AUTS2: variants seen among roughly 807,000 people sequenced by gnomAD.
The protein encoded by AUTS2 is activator of transcription and developmental regulator AUTS2.
AUTS2 carries 17 observed loss-of-function variants against 112.4 expected under a neutral mutation model. The ratio of observed to expected loss-of-function variants is 0.15; its 90% CI spans 0.10 to 0.23. AUTS2 has a LOEUF of 0.23. Ranked by LOEUF, AUTS2 falls within the 10% of genes least tolerant of loss-of-function variation. AUTS2 has a pLI of 1.00. For synonymous variants in AUTS2, 751 were observed against 702.7 expected (o/e 1.07, Z -1.09); for missense variants, 1,510 against 1,701.6 (o/e 0.89, Z 1.98).
chr7:70,678,868 T>C (rs1187262494), intron 5 of AUTS2, among the ~76,000 whole-genome samples: 2 of 152,134 alleles, frequency 1.3e-5, no homozygotes, highest in African/African-American at 4.8e-5. Flanking sequence ...GGCCCAAGTG[T>C]GTGCAGGACT....
At chr7:70,533,246 G>C (rs1367508690) in intron 5 of AUTS2, among the ~76,000 whole-genome samples, 2 of 152,170 alleles carry the variant, frequency 1.3e-5, no homozygotes, top group Non-Finnish European at 2.9e-5. Context: ...CTCCCTAGTA[G>C]CTGGGACCAC....
At chr7:69,858,920 G>A (rs1432434933) in intron 1 of AUTS2, among the ~76,000 whole-genome samples, 1 of 152,174 alleles carries the variant, frequency 6.6e-6, no homozygotes, top group Non-Finnish European at 1.5e-5. Flanking sequence ...ATATCATGTA[G>A]GTACTAATTA....
chr7:70,431,117 G>C (rs957708341), intron 4 of AUTS2, among the ~76,000 whole-genome samples: 2 of 152,100 alleles, frequency 1.3e-5, no homozygotes, highest in Non-Finnish European at 2.9e-5. Context: ...TATTACAGGC[G>C]TGAGCCACCG....
chr7:70,329,255 T>C (rs1017921943), intron 4 of AUTS2, among the ~76,000 whole-genome samples: 1 of 152,210 alleles, frequency 6.6e-6, no homozygotes. Flanking sequence ...CACATATACT[T>C]GTTTATGTAC....
At chr7:69,898,218 A>T (rs1262997219) in intron 1 of AUTS2, among the ~76,000 whole-genome samples, 8 of 152,274 alleles carry the variant, frequency 5.3e-5, no homozygotes, top group Middle Eastern at 3.4e-3. Flanking sequence ...AAAAATTTTT[A>T]AAAAGTTCAT....
At chr7:70,464,595 C>T (rs1464206625) in intron 5 of AUTS2, among the ~76,000 whole-genome samples, 1 of 152,100 alleles carries the variant, frequency 6.6e-6, no homozygotes, top group Admixed American at 6.6e-5. Flanking sequence ...CATTCATTAC[C>T]TAATATTATA....
At chr7:70,586,500 A>G (rs796929994) in intron 5 of AUTS2, among the ~76,000 whole-genome samples, 5 of 152,292 alleles carry the variant, frequency 3.3e-5, no homozygotes, top group African/African-American at 1.2e-4. Context: ...GAAGGATTCT[A>G]TTTAGGGTTA....
intron 4 of AUTS2, among the ~76,000 whole-genome samples, chr7:70,314,408 T>G (rs186707013): frequency 6.6e-6 from 1 of 152,368 alleles, no homozygotes; most frequent in East Asian, 1.9e-4. Context: ...TGTCTTCGTC[T>G]GTGACATGTG....
Position 69,666,624 on chromosome 7 carries a change from C to T in AUTS2, c.309+66662C>T, listed in dbSNP as rs147946765. On this transcript the variant is annotated intron_variant, in intron 1 of 18. Coordinates refer to ENST00000342771, the MANE Select transcript of AUTS2 (RefSeq NM_015570.4). The stretch of plus-strand genomic sequence containing the variant: ...GCGTATGGTTCCTGTCCTGTAAAGT[C>T]TAATGGGTGGCTCACACCTGTAATC... 1.5e-3 allele frequency among the ~76,000 whole-genome samples: 222 copies of T among 152,224 alleles called. 1 individual carries two copies. The highest frequency in any genetic ancestry group is 4.5e-3 in the African/African-American group (186 of 41,532).
At chr7:70,559,757 T>A (rs1456239903) in intron 5 of AUTS2, among the ~76,000 whole-genome samples, 2 of 152,214 alleles carry the variant, frequency 1.3e-5, no homozygotes, top group South Asian at 2.1e-4. Flanking sequence ...GCCCCAGGCC[T>A]CTGGATTCCT....
intron 1 of AUTS2, among the ~76,000 whole-genome samples, chr7:69,702,069 A>T (rs1174127938): frequency 6.6e-6 from 1 of 152,248 alleles, no homozygotes. Flanking sequence ...TAATGAAAAC[A>T]TTGATGTGCT....
At position 70,644,685 on chromosome 7, in the gene AUTS2, C is replaced by T. The variant is rs926680824; in HGVS notation, c.691-53884C>T. Among the ~76,000 whole-genome samples, 12 of 152,124 alleles carry T rather than the reference C, an allele frequency of 7.9e-5. No homozygotes were observed. The East Asian group carries it at 1.2e-3, about 15-fold the overall frequency. On this transcript the variant is annotated intron_variant, in intron 5 of 18. Transcript: ENST00000342771. ...ATGCCAGATCCTGTAATTCATTCAA[C>T]GTTTGCTTCCATTTCCACCTCCTCC... is the stretch of plus-strand genomic sequence containing the variant.
rs145200731 is a variant in AUTS2 at position 70,307,966 on chromosome 7, T to C, written c.661-127786T>C. On this transcript the variant is annotated intron_variant, in intron 4 of 18. Coordinates refer to ENST00000342771, the MANE Select transcript of AUTS2 (RefSeq NM_015570.4). ...TAAGTAAACAACATAACCTGTTGAA[T>C]AAGTAAGTAGTTTAGTCTTCTCTGC... Among the ~76,000 whole-genome samples the C allele has an allele frequency of 1.2e-3, 178 of 152,324 alleles. 1 individual carries two copies. In the Middle Eastern group the frequency reaches 0.014, roughly 12 times the overall value.
chr7:70,448,114 A>G (rs17141625), intron 5 of AUTS2, among the ~76,000 whole-genome samples: 5,880 of 152,234 alleles, frequency 0.039, 401 homozygotes, highest in African/African-American at 0.13. Context: ...AATGCTGGAC[A>G]CTTGAATGTA....
intron 5 of AUTS2, among the ~76,000 whole-genome samples, chr7:70,682,949 A>C (rs1007649922): frequency 1.3e-5 from 2 of 152,228 alleles, no homozygotes. Context: ...ACTGTGTTAC[A>C]AGCTTAAATA....
chr7:69,982,764 G>A (rs1387112769), intron 2 of AUTS2, among the ~76,000 whole-genome samples: 1 of 152,240 alleles, frequency 6.6e-6, no homozygotes, highest in Non-Finnish European at 1.5e-5. Flanking sequence ...TGGCAGAGGT[G>A]AAAGCCTTCA....
intron 6 of AUTS2, among the ~76,000 whole-genome samples, chr7:70,762,374 C>T (rs576387554): frequency 6.6e-6 from 1 of 152,024 alleles, no homozygotes; most frequent in African/African-American, 2.4e-5. Flanking sequence ...TGGGCTCAAG[C>T]GATCCTTCTA....
intron 5 of AUTS2, among the ~76,000 whole-genome samples, chr7:70,513,875 G>T (rs1038506209): frequency 1.3e-5 from 2 of 152,026 alleles, no homozygotes; most frequent in Non-Finnish European, 1.5e-5. Flanking sequence ...GCCCAGGCTG[G>T]TCTCGAACTC....
chr7:70,650,720 T>TA (rs1806456510), intron 5 of AUTS2, among the ~76,000 whole-genome samples: 1 of 152,250 alleles, frequency 6.6e-6, no homozygotes, highest in African/African-American at 2.4e-5. Flanking sequence ...TACCTCTACA[T>TA]ATCTCCAGTG....
Sources: gnomAD v4.1 joint callset for allele counts (sites outside exome capture counted in the v4.1 genomes callset) on GRCh38, gnomAD v4.1.1 for gene constraint, MANE v1.5 for transcripts, NCBI Gene and HGNC (gene_info 2026-07-23, HGNC 2026-07-21) for gene names.